The following HEXB variants were observed in gnomAD, a reference collection of about 807,000 sequenced individuals.
HEXB encodes beta-hexosaminidase subunit beta.
In HEXB, 51 loss-of-function variants were observed where a neutral mutation model predicts 71.2. The ratio of observed to expected loss-of-function variants is 0.72; its 90% confidence interval spans 0.57 to 0.90. The LOEUF is 0.90. HEXB is among the 40% of genes least tolerant of loss of function. HEXB has a pLI of 0.00. For missense variants in HEXB, 617 were observed against 677.0 expected, an observed-to-expected ratio of 0.91 and a Z score of 0.98; for synonymous variants, 266 against 249.3, an observed-to-expected ratio of 1.07 and a Z score of -0.63.
chr5:74,642,358 G>C (rs1203522770), intron 1 of HEXB, among the ~76,000 whole-genome samples: 4 of 152,098 alleles, frequency 2.6e-5, no homozygotes, highest in Non-Finnish European at 4.4e-5. Flanking sequence ...GAGCCAGGGG[G>C]GCTGCGAGGT....
chr5:74,705,384 A>C, intron 6 of HEXB, 64 bp downstream of exon 6: 3 of 913,542 alleles, frequency 3.3e-6, no homozygotes, highest in Non-Finnish European at 5.5e-6. Context: ...ACAAGTTTGT[A>C]GCTTAAATGT....
At position 74,685,362 on chromosome 5, in the gene HEXB, G is replaced by T; in HGVS notation, c.102G>T (p.Ala34=). The change falls in exon 1 of 14, where the codon GCG becomes GCT. Residue 34 remains alanine, a synonymous_variant. Coordinates refer to ENST00000261416, the MANE Select transcript of HEXB (RefSeq NM_000521.4). ...AAMLALLTQV[A]LVVQVAEAAR... is the part of the protein sequence containing the mutation. ...TGTTGGCGCTGCTGACTCAGGTGGC[G>T]CTGGTGGTGCAGGTGGCGGAGGCGG... The T allele has an allele frequency of 6.3e-7, 1 of 1,587,612 alleles. No homozygotes were observed. The highest frequency in any genetic ancestry group is 8.6e-7 in the Non-Finnish European group (1 of 1,168,448).
At chr5:74,670,435 G>A (rs139037926) in intron 1 of HEXB, among the ~76,000 whole-genome samples, 1 of 151,656 alleles carries the variant, frequency 6.6e-6, no homozygotes, top group East Asian at 1.9e-4. Context: ...TCAATTGTCA[G>A]CCCAATTTCA....
chr5:74,669,259 T>G (rs1235722047), intron 1 of HEXB, among the ~76,000 whole-genome samples: 2 of 152,226 alleles, frequency 1.3e-5, no homozygotes, highest in Non-Finnish European at 2.9e-5. Context: ...AAGAGTACCT[T>G]TAAATTTAGG....
rs1665894 is a variant in HEXB at position 74,696,784 on chromosome 5, G to A, written c.558+45G>A. The stretch of plus-strand genomic sequence containing the variant: ...GTTACTAAAAATTGTTAGACAAATT[G>A]CTAATAGAAAAAAATGTAACCTGTT... On this transcript the variant is annotated intron_variant, in intron 4 of 13. Transcript: ENST00000261416. 0.91 allele frequency: 910,315 copies of A among 1,003,202 alleles called. 413,969 individuals are homozygous for A. The highest frequency in any genetic ancestry group is 0.92 in the Non-Finnish European group (585,154 of 632,844). 62.1% of individuals were successfully genotyped at this position (1,003,202 alleles called of 1,614,324 possible). A position where few individuals can be genotyped will look rare whatever the true frequency, so the allele number is the denominator to read the frequency against.
chr5:74,714,461 T>C (rs532829274), intron 7 of HEXB, among the ~76,000 whole-genome samples: 1 of 152,338 alleles, frequency 6.6e-6, no homozygotes, highest in East Asian at 1.9e-4. Flanking sequence ...ATGTTTCTGG[T>C]AGAGGAAATG....
intron 2 of HEXB, chr5:74,689,892 T>G (rs1477487681): frequency 5.2e-6 from 1 of 193,120 alleles, no homozygotes; most frequent in East Asian, 1.4e-4. Context: ...CATTATAAAT[T>G]AAACATGAAT....
At chr5:74,668,230 TTGTG>T (rs34727155) in intron 1 of HEXB, among the ~76,000 whole-genome samples, 7,588 of 148,652 alleles carry the variant, frequency 0.051, 238 homozygotes, top group Non-Finnish European at 0.078. Flanking sequence ...TTTGTTTTGT[TTGTG>T]TGTGTGTGTG....
At position 74,693,854 on chromosome 5, in the gene HEXB, GTAC is replaced by G; in HGVS notation, c.511+154_511+156del. 4 of 716,264 alleles carry G rather than the reference GTAC, an allele frequency of 5.6e-6. 1 individual carries two copies. The South Asian group carries it at 5.9e-5, about 11-fold the overall frequency. 44.4% of individuals were successfully genotyped at this position (716,264 alleles called of 1,614,324 possible). On this transcript the variant is annotated intron_variant, in intron 3 of 13. Transcript: ENST00000261416. ...TTCCAAAATGATTTCCATTGAACAT[GTAC>G]TACATAAAGCATGGGAGAGGTCAGC...
intron 1 of HEXB, among the ~76,000 whole-genome samples, chr5:74,657,389 C>G (rs914358137): frequency 2.6e-5 from 4 of 152,160 alleles, no homozygotes; most frequent in African/African-American, 7.2e-5. Context: ...TCCTTTCATT[C>G]AACTCTCTGC....
intron 6 of HEXB, among the ~76,000 whole-genome samples, chr5:74,707,145 G>A (rs1001425077): frequency 1.3e-4 from 20 of 152,236 alleles, no homozygotes; most frequent in African/African-American, 4.8e-4. Flanking sequence ...AAAAACCACT[G>A]TTCTGCAGAC....
chr5:74,679,763 G>A (rs1415028086), intron 1 of HEXB, among the ~76,000 whole-genome samples: 1 of 120,822 alleles, frequency 8.3e-6, no homozygotes, highest in Non-Finnish European at 1.6e-5. Flanking sequence ...CTGCACTACC[G>A]CACTCCAGCC....
intron 2 of HEXB, among the ~76,000 whole-genome samples, chr5:74,690,375 C>T (rs10942718): frequency 0.23 from 34,729 of 151,740 alleles, 4,475 homozygotes; most frequent in African/African-American, 0.34. Flanking sequence ...AGAGGCTGGA[C>T]GCTGTGGCTC....
chr5:74,661,256 C>T (rs115658141), intron 1 of HEXB, among the ~76,000 whole-genome samples: 1 of 152,292 alleles, frequency 6.6e-6, no homozygotes, highest in Non-Finnish European at 1.5e-5. Flanking sequence ...ATCCACAGTC[C>T]TTGAAATCAA....
At chr5:74,683,112 C>G (rs534737408), upstream of HEXB, among the ~76,000 whole-genome samples, 1 of 152,276 alleles carries the variant, frequency 6.6e-6, no homozygotes. Flanking sequence ...CTTGGCCTCT[C>G]TGTGTGGTAT....
intron 6 of HEXB, chr5:74,705,951 T>G (rs1378579009): frequency 2.0e-5 from 3 of 153,374 alleles, no homozygotes; most frequent in Non-Finnish European, 4.4e-5. Context: ...CCGGCCATAA[T>G]TCCAAAACTT....
rs1055321115 is a variant in HEXB at position 74,720,654 on chromosome 5, G to A, written c.1520G>A (p.Ser507Asn). The A allele has an allele frequency of 1.9e-6, 3 of 1,614,134 alleles. No homozygotes were observed. The highest frequency in any genetic ancestry group is 1.1e-5 in the South Asian group (1 of 91,086). ...GATTTAAATTTTAGGCCTCGGGCAA[G>A]TGCTGTTGGTGAGAGACTCTGGAGT... Reference protein sequence around the residue: ...NLTPRLWPRASAVGERLWSSK... With the variant: ...NLTPRLWPRANAVGERLWSSK... The change falls in exon 13 of 14, where the codon AGT becomes AAT. Residue 507 changes from serine to asparagine, a missense_variant. By Grantham distance (46) the Ser-to-Asn change is conservative. Coordinates refer to ENST00000261416, the MANE Select transcript of HEXB (RefSeq NM_000521.4).
At position 74,652,354 on chromosome 5, in the gene HEXB, T is replaced by C. The variant is rs2112076428; in HGVS notation, c.-377+11796T>C. Among the ~76,000 whole-genome samples the C allele has an allele frequency of 6.6e-6, 1 of 152,192 alleles. No homozygotes were observed. The highest frequency in any genetic ancestry group is 2.1e-4 in the South Asian group (1 of 4,816). On this transcript the variant is annotated intron_variant, in intron 1 of 13. Transcript: ENST00000511181. The surrounding 1 kb of genome is among the most constrained non-coding windows in gnomAD (Gnocchi z 5.4). ...CTTTTTCAGAGCTGTGCTCTCCTAG[T>C]GTGTGGGCCTCCTGGCCCACGTGTC...
chr5:74,688,820 C>T (rs1748930639), intron 1 of HEXB, among the ~76,000 whole-genome samples: 2 of 152,158 alleles, frequency 1.3e-5, no homozygotes, highest in Admixed American at 1.3e-4. Flanking sequence ...GAATTTAGGG[C>T]AAGTTGACCA....
Sources: allele counts gnomAD v4.1 joint callset (sites outside exome capture counted in the v4.1 genomes callset), GRCh38; gene constraint gnomAD v4.1.1; non-coding constraint Gnocchi (gnomAD v3.1); transcripts MANE v1.5; gene names NCBI Gene and HGNC (gene_info 2026-07-23, HGNC 2026-07-21).